EDN1: variants seen among roughly 807,000 people sequenced by gnomAD.
The protein encoded by EDN1 is endothelin 1.
In EDN1, 11 loss-of-function variants were observed where a neutral mutation model predicts 21.7. The observed-to-expected ratio is 0.51, with a 90% CI of 0.32 to 0.84. EDN1 has a LOEUF of 0.84. Among genes scored for constraint, EDN1 ranks in the 40% least tolerant of loss-of-function variants. EDN1 has a pLI of 0.03. For synonymous variants in EDN1, 85 were observed against 90.6 expected (o/e 0.94, Z 0.35); for missense variants, 244 against 262.3 (o/e 0.93, Z 0.48).
At chr6:12,236,665 GA>G in the EDN1 span, among the ~76,000 whole-genome samples, 2 of 151,730 alleles carry the variant, frequency 1.3e-5, no homozygotes, top group Admixed American at 1.3e-4. Flanking sequence ...ATGAAATTAG[GA>G]AAAAAACTGG....
chr6:12,278,893 TA>T, the EDN1 span, among the ~76,000 whole-genome samples: 7 of 151,616 alleles, frequency 4.6e-5, no homozygotes, highest in South Asian at 4.2e-4. Flanking sequence ...CGAGATTCCG[TA>T]AAAAAAACAA....
the EDN1 span, among the ~76,000 whole-genome samples, chr6:12,278,383 C>T: frequency 1.3e-5 from 2 of 152,178 alleles, no homozygotes; most frequent in South Asian, 4.1e-4. Flanking sequence ...TTTTATTGAA[C>T]TGTATCAGCT....
chr6:12,296,040 T>C lies in EDN1; in HGVS notation c.612T>C (p.Tyr204=), dbSNP rs374402239. The change falls in exon 5 of 5, where the codon TAT becomes TAC. Residue 204 remains tyrosine, a synonymous_variant. Coordinates refer to ENST00000379375, the MANE Select transcript of EDN1 (RefSeq NM_001955.5). ...AAGGCAAGCCCTCCAGAGAGCGTTA[T>C]GTGACCCACAACCGAGCACATTGGT... The part of the protein sequence containing the change: ...KLKGKPSRER[Y]VTHNRAHW 16 of 1,613,980 alleles carry C rather than the reference T, an allele frequency of 9.9e-6. No individual in the cohort carries two copies. Among genetic ancestry groups the C allele is most frequent in the Admixed American group, 1.7e-5 (1 of 60,004 alleles).
chr6:12,235,357 G>A, the EDN1 span, among the ~76,000 whole-genome samples: 2 of 152,150 alleles, frequency 1.3e-5, no homozygotes, highest in Non-Finnish European at 2.9e-5. Flanking sequence ...CTTCCACATA[G>A]CAATGTTTAC....
At chr6:12,255,420 A>G in the EDN1 span, among the ~76,000 whole-genome samples, 1 of 152,020 alleles carries the variant, frequency 6.6e-6, no homozygotes, top group Non-Finnish European at 1.5e-5. Context: ...CTTAAACACA[A>G]ATGGCATTTA....
At chr6:12,281,457 C>T in the EDN1 span, among the ~76,000 whole-genome samples, 7 of 152,182 alleles carry the variant, frequency 4.6e-5, no homozygotes, top group Admixed American at 4.6e-4. Context: ...GAAACACTTT[C>T]CTCTAGGCAT....
At chr6:12,236,503 A>G in the EDN1 span, among the ~76,000 whole-genome samples, 2 of 152,034 alleles carry the variant, frequency 1.3e-5, no homozygotes, top group South Asian at 2.1e-4. Context: ...CAGGTGATCC[A>G]CCTACCTTGG....
chr6:12,284,505 A>AAAGG, the EDN1 span, among the ~76,000 whole-genome samples: 2,877 of 150,544 alleles, frequency 0.019, 57 homozygotes, highest in African/African-American at 0.052. Context: ...ATTTGTCTAA[A>AAAGG]AAGGAAGGAA....
chr6:12,295,539 T>G (rs561538244), intron 4 of EDN1, among the ~76,000 whole-genome samples: 1 of 152,328 alleles, frequency 6.6e-6, no homozygotes, highest in Non-Finnish European at 1.5e-5. Flanking sequence ...CTGGGCCTAC[T>G]GTATGCTTCT....
chr6:12,236,127 A>T, the EDN1 span, among the ~76,000 whole-genome samples: 1 of 152,234 alleles, frequency 6.6e-6, no homozygotes, highest in Non-Finnish European at 1.5e-5. Context: ...GTTGAAAAGG[A>T]ATCCCTATTT....
the EDN1 span, among the ~76,000 whole-genome samples, chr6:12,238,921 T>C: frequency 1.3e-5 from 2 of 152,226 alleles, no homozygotes; most frequent in South Asian, 2.1e-4. Context: ...CTGACGCCAA[T>C]TGTTTGAAAA....
At chr6:12,249,483 A>G in the EDN1 span, among the ~76,000 whole-genome samples, 27 of 151,234 alleles carry the variant, frequency 1.8e-4, no homozygotes, top group African/African-American at 6.3e-4. Context: ...GTCTTCCAGT[A>G]ATATAAAATG....
the EDN1 span, among the ~76,000 whole-genome samples, chr6:12,231,343 A>C: frequency 6.6e-6 from 1 of 152,258 alleles, no homozygotes; most frequent in South Asian, 2.1e-4. Flanking sequence ...TCCATGCTTA[A>C]CAGGAAAAGA....
At chr6:12,286,801 G>A (rs1417626870), upstream of EDN1, among the ~76,000 whole-genome samples, 1 of 152,170 alleles carries the variant, frequency 6.6e-6, no homozygotes, top group Non-Finnish European at 1.5e-5. Flanking sequence ...ATACTTTCCA[G>A]CATTCAAGTG....
the EDN1 span, among the ~76,000 whole-genome samples, chr6:12,263,192 A>G: frequency 6.6e-6 from 1 of 152,220 alleles, no homozygotes; most frequent in Non-Finnish European, 1.5e-5. Context: ...GACAAAGAAG[A>G]TTCAGGGAAT....
At chr6:12,256,877 G>GA in the EDN1 span, among the ~76,000 whole-genome samples, 1 of 152,178 alleles carries the variant, frequency 6.6e-6, no homozygotes. Context: ...CTTAAGCTGT[G>GA]ACTATTTCAG....
chr6:12,234,378 T>A, the EDN1 span, among the ~76,000 whole-genome samples: 1 of 152,206 alleles, frequency 6.6e-6, no homozygotes, highest in African/African-American at 2.4e-5. Context: ...TCCCCTTTCA[T>A]GGGGTGAATC....
chr6:12,290,788 T>C (rs1277239461), intron 1 of EDN1, 95 bp downstream of exon 1: 11 of 1,076,864 alleles, frequency 1.0e-5, no homozygotes, highest in Non-Finnish European at 1.6e-5. Context: ...TTCCCCGTTC[T>C]TTTTATGACT....
At chr6:12,252,460 T>C in the EDN1 span, among the ~76,000 whole-genome samples, 1 of 152,190 alleles carries the variant, frequency 6.6e-6, no homozygotes, top group African/African-American at 2.4e-5. Flanking sequence ...AACTGTCCAA[T>C]ATAAAAAGAA....
Sources: gnomAD v4.1 joint callset for allele counts (sites outside exome capture counted in the v4.1 genomes callset) on GRCh38, gnomAD v4.1.1 for gene constraint, MANE v1.5 for transcripts, NCBI Gene and HGNC (gene_info 2026-07-23, HGNC 2026-07-21) for gene names.